MBOAT1: variants seen among roughly 807,000 people sequenced by gnomAD.
The protein encoded by MBOAT1 is membrane-bound glycerophospholipid O-acyltransferase 1.
A neutral mutation model predicts 64.4 loss-of-function variants in MBOAT1; 67 were observed. The observed-to-expected ratio is 1.04, with a 90% CI of 0.85 to 1.27. The LOEUF is 1.27. Among genes scored for constraint, MBOAT1 ranks in the 50% most tolerant of loss-of-function variants. The probability of loss-of-function intolerance (pLI) is 0.00; values close to 1 mark genes in which losing one functional copy is unlikely to be tolerated. For missense variants in MBOAT1, 563 were observed against 604.6 expected (o/e 0.93, Z 0.72); for synonymous variants, 229 against 218.9 (o/e 1.05, Z -0.41).
At chr6:20,184,861 T>C (rs1472028261) in intron 1 of MBOAT1, among the ~76,000 whole-genome samples, 3 of 148,496 alleles carry the variant, frequency 2.0e-5, no homozygotes. Context: ...TACCTATATG[T>C]ACCTAACATT....
chr6:20,149,206 T>C (rs2113689111), intron 3 of MBOAT1, among the ~76,000 whole-genome samples: 1 of 151,978 alleles, frequency 6.6e-6, no homozygotes, highest in East Asian at 1.9e-4. Flanking sequence ...AATACTGTGG[T>C]GGCACCGTCA....
intron 11 of MBOAT1, 80 bp from the exon 12 acceptor site, chr6:20,109,829 A>AT (rs1324542372): frequency 7.2e-7 from 1 of 1,395,312 alleles, no homozygotes; most frequent in East Asian, 2.6e-5. Flanking sequence ...TGCAGATAGT[A>AT]TGCCACAGGA....
intron 4 of MBOAT1, among the ~76,000 whole-genome samples, chr6:20,141,548 A>C (rs1761178021): frequency 6.6e-6 from 1 of 150,890 alleles, no homozygotes; most frequent in African/African-American, 2.4e-5. Flanking sequence ...TTTTGTTTTT[A>C]ATTTTTAGTA....
At chr6:20,142,226 T>C (rs1415958143) in intron 4 of MBOAT1, among the ~76,000 whole-genome samples, 2 of 152,166 alleles carry the variant, frequency 1.3e-5, no homozygotes, top group African/African-American at 4.8e-5. Flanking sequence ...TAGTAAATAC[T>C]AGAGTATTTA....
At chr6:20,211,472 A>G (rs1023513165) in intron 1 of MBOAT1, among the ~76,000 whole-genome samples, 15 of 152,184 alleles carry the variant, frequency 9.9e-5, no homozygotes, top group Admixed American at 9.2e-4. Flanking sequence ...TGTTGTTGCC[A>G]TTTTTAATTT....
At chr6:20,153,541 C>T (rs776235334) in intron 1 of MBOAT1, among the ~76,000 whole-genome samples, 7 of 152,242 alleles carry the variant, frequency 4.6e-5, no homozygotes, top group Non-Finnish European at 8.8e-5. Flanking sequence ...GAGTGACTCA[C>T]GTTCCCTGAT....
chr6:20,152,342 A>AT (rs1389859174), intron 2 of MBOAT1, among the ~76,000 whole-genome samples: 4,001 of 38,670 alleles, frequency 0.1, 80 homozygotes, highest in East Asian at 0.28. Context: ...AAAAAAATAA[A>AT]AAATAAATAA....
intron 3 of MBOAT1, among the ~76,000 whole-genome samples, chr6:20,150,393 C>A (rs1226715399): frequency 6.6e-6 from 1 of 152,076 alleles, no homozygotes; most frequent in Non-Finnish European, 1.5e-5. Flanking sequence ...GTGATTCCTT[C>A]CACAGCTCCC....
chr6:20,189,391 T>C (rs1009221030), intron 1 of MBOAT1, among the ~76,000 whole-genome samples: 1 of 152,206 alleles, frequency 6.6e-6, no homozygotes, highest in Non-Finnish European at 1.5e-5. Flanking sequence ...ATCTACTTTC[T>C]AAGTAATTTT....
intron 11 of MBOAT1, among the ~76,000 whole-genome samples, chr6:20,111,563 T>A (rs1217635039): frequency 6.6e-6 from 1 of 152,092 alleles, no homozygotes; most frequent in Non-Finnish European, 1.5e-5. Flanking sequence ...TTATGCCAGT[T>A]GAAACCATAG....
In MBOAT1 at chr6:20,212,266, C is replaced by T. The variant is rs751134095; in HGVS notation, c.-32G>A. 1.3e-6 allele frequency: 2 copies of T among 1,591,630 alleles called. No homozygotes were observed. The highest frequency in any genetic ancestry group is 1.7e-5 in the Admixed American group (1 of 57,512). On this transcript the variant is annotated 5_prime_UTR_variant, in exon 1 of 13. Coordinates refer to ENST00000324607, the MANE Select transcript of MBOAT1 (RefSeq NM_001080480.3). ...TCTTCGGGAGGTGGCTGCCCCTGTCCCAGCCCGCAACACCCCCTGCTCGGC... is the reference window on the plus strand; with the variant it reads ...TCTTCGGGAGGTGGCTGCCCCTGTCTCAGCCCGCAACACCCCCTGCTCGGC...
At chr6:20,132,584 G>A (rs915788622) in intron 4 of MBOAT1, among the ~76,000 whole-genome samples, 2 of 152,138 alleles carry the variant, frequency 1.3e-5, no homozygotes, top group Non-Finnish European at 2.9e-5. Flanking sequence ...ATTCAAAATG[G>A]ATCAAAGACC....
At chr6:20,128,569 T>C (rs944665552) in intron 6 of MBOAT1, 130 bp downstream of exon 6, 7 of 636,514 alleles carry the variant, frequency 1.1e-5, no homozygotes, top group East Asian at 3.1e-5. Context: ...TGTCCATCAA[T>C]AGCAGATTCA....
chr6:20,152,345 A>T (rs1289709338), intron 2 of MBOAT1, among the ~76,000 whole-genome samples: 83 of 31,656 alleles, frequency 2.6e-3, no homozygotes, highest in South Asian at 0.01. Flanking sequence ...AAAATAAAAA[A>T]TAAATAAATA....
At chr6:20,138,264 A>G (rs574804575) in intron 4 of MBOAT1, among the ~76,000 whole-genome samples, 1 of 152,362 alleles carries the variant, frequency 6.6e-6, no homozygotes, top group Admixed American at 6.5e-5. Context: ...GTAATCACAG[A>G]ACTGAATCAC....
At chr6:20,209,175 T>C (rs949493723) in intron 1 of MBOAT1, among the ~76,000 whole-genome samples, 2 of 152,174 alleles carry the variant, frequency 1.3e-5, no homozygotes, top group Non-Finnish European at 2.9e-5. Context: ...TATTTAGAAA[T>C]AAAGTTTTCA....
intron 4 of MBOAT1, among the ~76,000 whole-genome samples, chr6:20,135,812 A>G (rs1486190678): frequency 6.6e-6 from 1 of 152,200 alleles, no homozygotes; most frequent in African/African-American, 2.4e-5. Flanking sequence ...GAAAAGCAGG[A>G]AGTCAGGCAA....
intron 1 of MBOAT1, among the ~76,000 whole-genome samples, chr6:20,183,748 T>C (rs1477802689): frequency 6.6e-6 from 1 of 152,206 alleles, no homozygotes; most frequent in African/African-American, 2.4e-5. Flanking sequence ...CAAAATGCCA[T>C]TGATATCTCT....
rs370702466 is a variant in MBOAT1 at position 20,118,407 on chromosome 6, T to G, written c.1011+30A>C. ...AGCAAATCATTTGCTTTCTTCACTA[T>G]GGAAGTTGGACTTAAAAGCATACAC... On this transcript the variant is annotated intron_variant, in intron 9 of 12. Transcript: ENST00000324607. 74 of 1,533,128 alleles carry G rather than the reference T, an allele frequency of 4.8e-5. No individual in the cohort carries two copies. In the Middle Eastern group the frequency reaches 5.1e-4, roughly 10 times the overall value. 95.0% of individuals were successfully genotyped at this position (1,533,128 alleles called of 1,614,324 possible).
Sources: allele counts gnomAD v4.1 joint callset (sites outside exome capture counted in the v4.1 genomes callset), GRCh38; gene constraint gnomAD v4.1.1; transcripts MANE v1.5; gene names NCBI Gene and HGNC (gene_info 2026-07-23, HGNC 2026-07-21).